UGGT2: variants seen among roughly 807,000 people sequenced by gnomAD.
UGGT2 encodes UDP-glucose glycoprotein glucosyltransferase 2, also known as UDP-glucose:glycoprotein glucosyltransferase 2.
UGGT2 carries 180 observed loss-of-function variants against 192.1 expected under a neutral mutation model. That is an observed-to-expected ratio of 0.94 (90% CI 0.83 to 1.06). The LOEUF is 1.06. Among genes scored for constraint, UGGT2 ranks in the 50% least tolerant of loss-of-function variants. The pLI is 0.00. For missense variants in UGGT2, 1,849 were observed against 1,795.7 expected (o/e 1.03, Z -0.54); for synonymous variants, 580 against 591.0 (o/e 0.98, Z 0.27).
chr13:95,913,334 A>C (rs556842097), intron 20 of UGGT2, among the ~76,000 whole-genome samples: 1 of 152,298 alleles, frequency 6.6e-6, no homozygotes, highest in South Asian at 2.1e-4. Flanking sequence ...TTTGCAATCT[A>C]CCCATCTGAC....
chr13:95,805,915 A>AT (rs1388493488), intron 38 of UGGT2, among the ~76,000 whole-genome samples: 1 of 151,956 alleles, frequency 6.6e-6, no homozygotes, highest in Non-Finnish European at 1.5e-5. Flanking sequence ...TTGTTACGTG[A>AT]TTTTTTTAAC....
intron 2 of UGGT2, among the ~76,000 whole-genome samples, chr13:96,028,046 G>C (rs1361679185): frequency 6.6e-6 from 1 of 152,158 alleles, no homozygotes; most frequent in African/African-American, 2.4e-5. Context: ...AAACATTGCT[G>C]TTCTCAGGGT....
At chr13:96,022,282 T>C (rs2052536799) in intron 4 of UGGT2, among the ~76,000 whole-genome samples, 1 of 152,018 alleles carries the variant, frequency 6.6e-6, no homozygotes, top group African/African-American at 2.4e-5. Context: ...GGAAAAACTT[T>C]TAGAAAGCTA....
chr13:95,887,997 G>T (rs773167094), intron 25 of UGGT2, 26 bp from the exon 26 acceptor site: 6 of 1,443,862 alleles, frequency 4.2e-6, no homozygotes, highest in East Asian at 2.3e-5. Context: ...TCCCATGTTT[G>T]ATATTAAATA....
intron 36 of UGGT2, among the ~76,000 whole-genome samples, chr13:95,843,535 C>T (rs1888081543): frequency 1.3e-5 from 2 of 152,070 alleles, no homozygotes; most frequent in African/African-American, 2.4e-5. Context: ...AGTATCATAC[C>T]TAAAAAATCT....
intron 27 of UGGT2, among the ~76,000 whole-genome samples, chr13:95,878,544 C>T (rs1017253802): frequency 3.9e-5 from 6 of 152,058 alleles, no homozygotes; most frequent in African/African-American, 1.2e-4. Flanking sequence ...CTGGATTTTT[C>T]TCTATTGCAA....
intron 20 of UGGT2, among the ~76,000 whole-genome samples, chr13:95,904,780 C>G (rs61972905): frequency 1.2e-4 from 18 of 151,828 alleles, no homozygotes; most frequent in East Asian, 5.8e-4. Context: ...CTTTATAGCA[C>G]CATGATTTAT....
intron 2 of UGGT2, among the ~76,000 whole-genome samples, chr13:96,029,193 T>A (rs916466854): frequency 6.6e-6 from 1 of 152,188 alleles, no homozygotes; most frequent in Non-Finnish European, 1.5e-5. Context: ...GTACCATTCT[T>A]TTCCACATTT....
At chr13:95,989,879 T>A (rs2051403586) in intron 8 of UGGT2, 94 bp downstream of exon 8, 3 of 779,082 alleles carry the variant, frequency 3.9e-6, no homozygotes, top group Non-Finnish European at 5.9e-6. Context: ...ATACTGTCCA[T>A]AAAATAATCT....
Position 96,013,400 on chromosome 13 carries a change from T to G in UGGT2, c.567A>C (p.Glu189Asp). The change falls in exon 5 of 39, where the codon GAA (glutamate) becomes GAC (aspartate). Residue 189 changes from glutamate to aspartate, a missense_variant. Coordinates refer to ENST00000376747, the MANE Select transcript of UGGT2 (RefSeq NM_020121.4). ...ATGCACTAAATGTTCTAGTACCCAT[T>G]TCGGCATAGAGAATCACCACTGGTA... ...ENLPVVILYA[E>D]MGTRTFSAFH... The G allele has an allele frequency of 1.2e-6, 2 of 1,607,904 alleles. No homozygotes were observed. Among genetic ancestry groups the G allele is most frequent in the Non-Finnish European group, 1.7e-6 (2 of 1,178,472 alleles).
chr13:95,947,168 C>G lies in UGGT2; in HGVS notation c.1546G>C (p.Gly516Arg). ...FYSHEVPLRI[G>R]FVFILNTDDE... The stretch of plus-strand genomic sequence containing the variant: ...TCTGTATTAAGAATGAACACAAAAC[C>G]AATTCTGGAAAAAGAAGATGAACAA... The change falls in exon 15 of 39, where the codon GGT becomes CGT. Residue 516 changes from glycine to arginine, a missense_variant. Transcript: ENST00000376747. 1.9e-6 allele frequency: 3 copies of G among 1,593,658 alleles called. No homozygotes were observed. Among genetic ancestry groups the G allele is most frequent in the Non-Finnish European group, 2.6e-6 (3 of 1,173,940 alleles).
At chr13:95,957,552 G>A (rs758200858) in intron 12 of UGGT2, among the ~76,000 whole-genome samples, 4 of 152,204 alleles carry the variant, frequency 2.6e-5, no homozygotes, top group Non-Finnish European at 5.9e-5. Flanking sequence ...ATATCTGAAA[G>A]CTTGCCAGAA....
chr13:95,982,616 G>A (rs1221203938), intron 10 of UGGT2, among the ~76,000 whole-genome samples: 1 of 152,062 alleles, frequency 6.6e-6, no homozygotes, highest in East Asian at 1.9e-4. Flanking sequence ...TAGGCAGCCC[G>A]AATTCCCATT....
At chr13:95,884,367 G>C (rs1594229852) in intron 27 of UGGT2, 124 bp downstream of exon 27, 1 of 811,676 alleles carries the variant, frequency 1.2e-6, no homozygotes, top group East Asian at 3.1e-5. Flanking sequence ...TCAGGACCTA[G>C]AATCATAAAA....
intron 38 of UGGT2, 119 bp from the exon 39 acceptor site, chr13:95,801,931 C>T (rs924490291): frequency 1.8e-6 from 2 of 1,115,840 alleles, no homozygotes; most frequent in Non-Finnish European, 2.6e-6. Flanking sequence ...TTTGCTAGTT[C>T]AGTACCTATA....
intron 4 of UGGT2, among the ~76,000 whole-genome samples, chr13:96,016,959 A>G (rs1191757081): frequency 1.3e-5 from 2 of 152,206 alleles, no homozygotes; most frequent in African/African-American, 4.8e-5. Flanking sequence ...CAGGATGTAC[A>G]TCACGATGTG....
chr13:95,839,563 CA>C (rs1887645376), intron 36 of UGGT2, among the ~76,000 whole-genome samples: 1 of 152,164 alleles, frequency 6.6e-6, no homozygotes, highest in African/African-American at 2.4e-5. Context: ...GGGTTGTTTC[CA>C]TTTTCCAGCT....
Position 96,023,207 on chromosome 13 carries a change from T to C in UGGT2, c.373-55A>G, listed in dbSNP as rs936061664. 9.8e-6 allele frequency: 14 copies of C among 1,424,978 alleles called. No homozygotes were observed. In the South Asian group the frequency reaches 1.2e-4, roughly 12 times the overall value. The allele number at this position is 1,424,978 out of a possible 1,614,324, so 88.3% of individuals were successfully genotyped here. A position where few individuals can be genotyped will look rare whatever the true frequency, so the allele number is the denominator to read the frequency against. On this transcript the variant is annotated intron_variant, in intron 3 of 38. Transcript: ENST00000376747. ...AGCAGTTGATAATTACAATATGATT[T>C]TAAAACCCTCACACATTACTTTGAT...
intron 37 of UGGT2, among the ~76,000 whole-genome samples, chr13:95,836,330 G>A (rs553278742): frequency 1.9e-4 from 29 of 152,320 alleles, no homozygotes; most frequent in African/African-American, 5.3e-4. Flanking sequence ...GATTACAGGC[G>A]TAAGCCACCG....
Sources: gnomAD v4.1 joint callset for allele counts (sites outside exome capture counted in the v4.1 genomes callset) on GRCh38, gnomAD v4.1.1 for gene constraint, MANE v1.5 for transcripts, NCBI Gene and HGNC (gene_info 2026-07-23, HGNC 2026-07-21) for gene names.